The following WIPI2 variants were observed in gnomAD, a reference collection of about 807,000 sequenced individuals.
The protein encoded by WIPI2 is WD repeat domain phosphoinositide-interacting protein 2.
In WIPI2, 28 loss-of-function variants were observed where a neutral mutation model predicts 52.3. The observed-to-expected ratio is 0.54, with a 90% CI of 0.40 to 0.73. The LOEUF (loss-of-function observed/expected upper bound fraction) is 0.73, where lower values mean the gene tolerates loss of function less well. WIPI2 is among the 30% of genes least tolerant of loss of function. The probability of loss-of-function intolerance (pLI) is 0.00; values close to 1 mark genes in which losing one functional copy is unlikely to be tolerated. For missense variants in WIPI2, 506 were observed against 602.9 expected (o/e 0.84, Z 1.68); for synonymous variants, 268 against 245.0 (o/e 1.09, Z -0.88).
At chr7:5,214,330 GA>G (rs754892765) in intron 3 of WIPI2, 118 of 1,572,858 alleles carry the variant, frequency 7.5e-5, no homozygotes, top group Non-Finnish European at 9.8e-5. Flanking sequence ...GCCATCCTTA[GA>G]GTGGAAATGC....
At chr7:5,218,123 G>T (rs1419063016) in intron 7 of WIPI2, 109 bp downstream of exon 7, 6 of 1,202,076 alleles carry the variant, frequency 5.0e-6, no homozygotes, top group Non-Finnish European at 6.1e-6. Flanking sequence ...TACCAGCTCC[G>T]GGAGAAGCAA....
At chr7:5,207,768 CT>C (rs35296190) in intron 3 of WIPI2, among the ~76,000 whole-genome samples, 158 of 107,258 alleles carry the variant, frequency 1.5e-3, no homozygotes, top group Middle Eastern at 6.0e-3. Flanking sequence ...TCCTCACTAA[CT>C]TTTTTTTTTT....
At chr7:5,224,447 G>A (rs996793134) in intron 8 of WIPI2, among the ~76,000 whole-genome samples, 1 of 152,234 alleles carries the variant, frequency 6.6e-6, no homozygotes, top group South Asian at 2.1e-4. Flanking sequence ...AGGCAGAGCC[G>A]ATTCATCAAG....
Position 5,216,593 on chromosome 7 carries a change from T to C in WIPI2, c.412T>C (p.Tyr138His). ...RLIVCLEESL[Y>H]IHNIRDMKVL... ...GATAGTATGCCTGGAGGAGTCCCTGTACATCCACAACATTCGGGACATGAA... is the reference window on the plus strand; with the variant it reads ...GATAGTATGCCTGGAGGAGTCCCTGCACATCCACAACATTCGGGACATGAA... Residue 138 changes from tyrosine (Y) to histidine (H), a missense_variant, in exon 5 of 13, where the codon TAC (tyrosine) becomes CAC (histidine). Physicochemically the swap from Tyr to His is moderately conservative, Grantham distance 83 (BLOSUM62 2). Transcript: ENST00000288828. The C allele has an allele frequency of 6.2e-7, 1 of 1,614,222 alleles. No homozygotes were observed. The highest frequency in any genetic ancestry group is 8.5e-7 in the Non-Finnish European group (1 of 1,180,030).
intron 5 of WIPI2, 103 bp downstream of exon 5, chr7:5,216,762 G>C: frequency 8.7e-7 from 1 of 1,149,194 alleles, no homozygotes; most frequent in East Asian, 2.5e-5. Context: ...CCGCAGATGA[G>C]ACAGATTTTA....
chr7:5,226,190 C>T (rs1421570534), intron 9 of WIPI2: 1 of 443,852 alleles, frequency 2.3e-6, no homozygotes, highest in Non-Finnish European at 4.1e-6. Context: ...CCCAGGTGGA[C>T]ATCCTTTTGT....
intron 3 of WIPI2, chr7:5,214,275 C>G: frequency 6.9e-7 from 1 of 1,449,968 alleles, no homozygotes; most frequent in Non-Finnish European, 9.1e-7. Flanking sequence ...AGCAACAGAA[C>G]TGACTGAAAG....
At chr7:5,221,838 G>A (rs1181824214) in intron 7 of WIPI2, among the ~76,000 whole-genome samples, 1 of 152,124 alleles carries the variant, frequency 6.6e-6, no homozygotes, top group Admixed American at 6.6e-5. Context: ...CCAGCTAATC[G>A]GCTCTCTGGA....
chr7:5,227,326 A>G lies in WIPI2; in HGVS notation c.995A>G (p.Asn332Ser). Residue 332 changes from asparagine (N) to serine (S), a missense_variant, in exon 10 of 13, where the codon AAC becomes AGC. Coordinates refer to ENST00000288828, the MANE Select transcript of WIPI2 (RefSeq NM_015610.4). This position sits in a 1 kb window ranked among gnomAD's most constrained non-coding sequence, Gnocchi z 8.1. ...TVRLPFCGHK[N>S]ICSLATIQKI... Reference sequence around the variant, plus strand: ...CGCCTGCCATTCTGCGGCCACAAAAACATCTGCTCGCTAGCCACGTGAGTA... The same window carrying G: ...CGCCTGCCATTCTGCGGCCACAAAAGCATCTGCTCGCTAGCCACGTGAGTA... 2 of 1,613,592 alleles carry G rather than the reference A, an allele frequency of 1.2e-6. No individual in the cohort carries two copies. Among genetic ancestry groups the G allele is most frequent in the South Asian group, 2.2e-5 (2 of 91,086 alleles).
Position 5,227,665 on chromosome 7 carries a change from G to A in WIPI2, c.1013+321G>A, listed in dbSNP as rs2115319272. ...AGAAACCGCACTTGCCGAGTCTCAG[G>A]CATCCGTCCGGCTCCAGGGTCTGGC... is the stretch of plus-strand genomic sequence containing the variant. On this transcript the variant is annotated intron_variant, in intron 10 of 12. Coordinates refer to ENST00000288828, the MANE Select transcript of WIPI2 (RefSeq NM_015610.4). The surrounding 1 kb of genome is among the most constrained non-coding windows in gnomAD (Gnocchi z 8.1). Among the ~76,000 whole-genome samples, 1 of 152,286 alleles carries A rather than the reference G, an allele frequency of 6.6e-6. No individual in the cohort carries two copies. The highest frequency in any genetic ancestry group is 2.4e-5 in the African/African-American group (1 of 41,572).
At position 5,217,075 on chromosome 7, in the gene WIPI2, G is replaced by C; in HGVS notation, c.479-15G>C. 2 of 1,601,554 alleles carry C rather than the reference G, an allele frequency of 1.2e-6. No individual in the cohort carries two copies. Among genetic ancestry groups the C allele is most frequent in the Non-Finnish European group, 1.7e-6 (2 of 1,169,756 alleles). On this transcript the variant is annotated splice_polypyrimidine_tract_variant and intron_variant, in intron 5 of 12. Transcript: ENST00000288828. ...GGTGGAAGTTTGCATCTCGTCCTCC[G>C]TGTGTCATTTGCAGGCCTGTGTGCG...
chr7:5,197,093 CAG>C (rs1411955107), intron 2 of WIPI2, among the ~76,000 whole-genome samples: 9 of 117,582 alleles, frequency 7.7e-5, no homozygotes, highest in Non-Finnish European at 1.1e-4. Flanking sequence ...GCCTGCATGA[CAG>C]AGCGGGACTC....
rs891014624 is a variant in WIPI2 at position 5,190,246 on chromosome 7, C to G, written c.-174C>G. 2 of 333,218 alleles carry G rather than the reference C, an allele frequency of 6.0e-6. No individual in the cohort carries two copies. Among genetic ancestry groups the G allele is most frequent in the Admixed American group, 1.0e-4 (2 of 19,458 alleles). The allele number at this position is 333,218 out of a possible 1,614,324, so 20.6% of individuals were successfully genotyped here. A position where few individuals can be genotyped will look rare whatever the true frequency, so the allele number is the denominator to read the frequency against. Reference sequence around the variant, plus strand: ...GGCCGCGCAGGCGTACCGGGTGCCCCGGCTCTGGAGCATAAACAAGAGCGG... The same window carrying G: ...GGCCGCGCAGGCGTACCGGGTGCCCGGGCTCTGGAGCATAAACAAGAGCGG... On this transcript the variant is annotated 5_prime_UTR_variant, in exon 1 of 13. Transcript: ENST00000288828.
At chr7:5,198,998 A>G (rs905126917) in intron 2 of WIPI2, among the ~76,000 whole-genome samples, 4 of 152,180 alleles carry the variant, frequency 2.6e-5, no homozygotes, top group South Asian at 4.1e-4. Flanking sequence ...ACTATCCTGT[A>G]TGTTAGATCT....
At chr7:5,223,162 A>G (rs550381197) in intron 8 of WIPI2, among the ~76,000 whole-genome samples, 9 of 152,246 alleles carry the variant, frequency 5.9e-5, no homozygotes, top group African/African-American at 2.2e-4. Context: ...CGGTGCTTAC[A>G]TGCCTCCTGT....
chr7:5,220,938 T>G (rs890929327), intron 7 of WIPI2, among the ~76,000 whole-genome samples: 79 of 147,900 alleles, frequency 5.3e-4, no homozygotes, highest in African/African-American at 1.9e-3. Context: ...GGACTACAGG[T>G]GCGTGCCACC....
chr7:5,204,361 G>C (rs1782190656), intron 3 of WIPI2, among the ~76,000 whole-genome samples: 1 of 152,106 alleles, frequency 6.6e-6, no homozygotes, highest in Admixed American at 6.6e-5. Context: ...CAGCTACTCT[G>C]CAGGCTGAGG....
chr7:5,217,264 C>T (rs1210829769), intron 6 of WIPI2, 77 bp downstream of exon 6: 2 of 1,458,988 alleles, frequency 1.4e-6, no homozygotes, highest in Non-Finnish European at 9.6e-7. Context: ...GTGTCCCTGG[C>T]ATCCTGACTT....
At chr7:5,193,942 T>C (rs1224193003) in intron 2 of WIPI2, among the ~76,000 whole-genome samples, 1 of 152,110 alleles carries the variant, frequency 6.6e-6, no homozygotes, top group Non-Finnish European at 1.5e-5. Context: ...ATGCAAAGGA[T>C]ATGTTTGAGG....
Sources: allele counts gnomAD v4.1 joint callset (sites outside exome capture counted in the v4.1 genomes callset), GRCh38; gene constraint gnomAD v4.1.1; non-coding constraint Gnocchi (gnomAD v3.1); transcripts MANE v1.5; gene names NCBI Gene and HGNC (gene_info 2026-07-23, HGNC 2026-07-21).